The following PARN variants were observed in gnomAD, a reference collection of about 807,000 sequenced individuals.
PARN encodes poly(A)-specific ribonuclease.
In PARN, 71 loss-of-function variants were observed where a neutral mutation model predicts 102.8. The ratio of observed to expected loss-of-function variants is 0.69; its 90% CI spans 0.57 to 0.84. The LOEUF is 0.84. Ranked by LOEUF, PARN falls within the 40% of genes least tolerant of loss-of-function variation. The pLI, the probability that PARN is intolerant of heterozygous loss-of-function variation, is 0.00. For missense variants in PARN, 782 were observed against 760.9 expected (o/e 1.03, Z -0.33); for synonymous variants, 261 against 252.9 (o/e 1.03, Z -0.30).
intron 17 of PARN, among the ~76,000 whole-genome samples, 185 bp from the exon 18 acceptor site, chr16:14,581,128 C>A (rs1455740047): frequency 5.3e-5 from 8 of 152,126 alleles, no homozygotes; most frequent in Non-Finnish European, 1.2e-4. Context: ...TCTCGGTTCA[C>A]TGAAACTTCC....
chr16:14,617,725 T>C, intron 5 of PARN, 75 bp from the exon 6 acceptor site: 1 of 881,096 alleles, frequency 1.1e-6, no homozygotes. Flanking sequence ...GAGAAGTAAC[T>C]CAAACAAGAA....
intron 15 of PARN, 50 bp downstream of exon 15, chr16:14,584,699 T>C: frequency 7.6e-7 from 1 of 1,307,666 alleles, no homozygotes; most frequent in Non-Finnish European, 1.1e-6. Context: ...CTGGCATTCA[T>C]TTCACTCAGT....
At chr16:14,547,232 G>C (rs1168155350) in intron 21 of PARN, among the ~76,000 whole-genome samples, 2 of 152,104 alleles carry the variant, frequency 1.3e-5, no homozygotes, top group African/African-American at 2.4e-5. Flanking sequence ...GCCAGAGGGG[G>C]AATAATGCTA....
intron 21 of PARN, among the ~76,000 whole-genome samples, chr16:14,541,821 G>A (rs908570709): frequency 2.0e-5 from 3 of 152,002 alleles, no homozygotes; most frequent in Admixed American, 2.0e-4. Context: ...ATTCTTCTAA[G>A]GAATGTAACT....
intron 21 of PARN, among the ~76,000 whole-genome samples, chr16:14,483,269 C>T (rs1963479306): frequency 6.6e-6 from 1 of 152,116 alleles, no homozygotes; most frequent in Non-Finnish European, 1.5e-5. Flanking sequence ...CCAGTGGTGG[C>T]GATTACTGTG....
chr16:14,629,283 T>C (rs1013080096), intron 2 of PARN, among the ~76,000 whole-genome samples: 27 of 152,222 alleles, frequency 1.8e-4, no homozygotes, highest in Non-Finnish European at 3.5e-4. Context: ...TATACCTATT[T>C]TACAATCAAG....
At chr16:14,525,840 TTTTC>T (rs1965967626) in intron 21 of PARN, among the ~76,000 whole-genome samples, 1 of 152,190 alleles carries the variant, frequency 6.6e-6, no homozygotes, top group South Asian at 2.1e-4. Flanking sequence ...TTTCTTTTTC[TTTTC>T]TTTGAGATGG....
At chr16:14,436,905 C>T (rs752331585) in intron 23 of PARN, 133 bp from the exon 24 acceptor site, 41 of 671,072 alleles carry the variant, frequency 6.1e-5, no homozygotes, top group South Asian at 3.5e-4. Context: ...TAAACAGCTG[C>T]GCTGGAAAGA....
In PARN at chr16:14,620,457, T is replaced by C. The variant is rs1038056749; in HGVS notation, c.328-2807A>G. Among the ~76,000 whole-genome samples the C allele has an allele frequency of 5.9e-5, 9 of 152,350 alleles. 1 individual carries two copies. The East Asian group carries it at 7.7e-4, about 13-fold the overall frequency. ...AAGCACGGCAAAATTATGGAGTTCA[T>C]ACTCAAATGAACTTAAGAAATAAGC... On this transcript the variant is annotated intron_variant, in intron 5 of 23. Transcript: ENST00000437198.
intron 21 of PARN, among the ~76,000 whole-genome samples, chr16:14,539,185 A>T (rs772713625): frequency 6.6e-6 from 1 of 152,184 alleles, no homozygotes; most frequent in Non-Finnish European, 1.5e-5. Context: ...CTTTCACAAA[A>T]CCAGTCCCTG....
At chr16:14,528,586 T>C (rs1455322532) in intron 21 of PARN, among the ~76,000 whole-genome samples, 3 of 152,330 alleles carry the variant, frequency 2.0e-5, no homozygotes, top group Middle Eastern at 3.4e-3. Flanking sequence ...GACTCTGTGA[T>C]ATTTTATTGT....
chr16:14,462,222 T>C (rs1596454334), intron 22 of PARN, among the ~76,000 whole-genome samples: 1 of 152,066 alleles, frequency 6.6e-6, no homozygotes, highest in South Asian at 2.1e-4. Flanking sequence ...CAAAGGAATA[T>C]TGTGAAGACA....
Position 14,435,939 on chromosome 16 carries a change from C to CACACACAG in PARN, c.*777_*778insCTGTGTGT. Reference sequence around the variant, plus strand: ...ACACACACACACACACACACACACACACACAGACACGTACGCACACACGCT... The same window carrying CACACACAG: ...ACACACACACACACACACACACACACACACACAGACACAGACACGTACGCACACACGCT... On this transcript the variant is annotated 3_prime_UTR_variant, in exon 24 of 24. Transcript: ENST00000437198. 1 of 146,210 alleles carries CACACACAG rather than the reference C, an allele frequency of 6.8e-6. No individual in the cohort carries two copies. Among genetic ancestry groups the CACACACAG allele is most frequent in the South Asian group, 2.2e-4 (1 of 4,620 alleles). 9.1% of individuals were successfully genotyped at this position (146,210 alleles called of 1,614,324 possible).
chr16:14,511,262 T>G (rs1416477318), intron 21 of PARN, among the ~76,000 whole-genome samples: 1 of 151,010 alleles, frequency 6.6e-6, no homozygotes, highest in Non-Finnish European at 1.5e-5. Flanking sequence ...TCATTATCTT[T>G]TAAAGGTCAA....
intron 22 of PARN, among the ~76,000 whole-genome samples, 187 bp from the exon 23 acceptor site, chr16:14,447,268 C>G (rs950843055): frequency 2.6e-5 from 4 of 152,190 alleles, no homozygotes; most frequent in African/African-American, 9.7e-5. Flanking sequence ...TTACCTATAA[C>G]AAGCTTATTC....
intron 5 of PARN, among the ~76,000 whole-genome samples, chr16:14,624,088 C>T (rs1017212158): frequency 6.6e-6 from 1 of 152,154 alleles, no homozygotes; most frequent in African/African-American, 2.4e-5. Context: ...CATTCCTCCA[C>T]ATCTTGACAA....
At chr16:14,450,516 G>GTA (rs1214654993) in intron 22 of PARN, among the ~76,000 whole-genome samples, 1 of 151,838 alleles carries the variant, frequency 6.6e-6, no homozygotes. Context: ...TCATATTTAT[G>GTA]TATACACACA....
intron 18 of PARN, among the ~76,000 whole-genome samples, chr16:14,578,860 T>C (rs773162991): frequency 2.1e-4 from 32 of 152,254 alleles, no homozygotes; most frequent in Non-Finnish European, 4.1e-4. Context: ...AAAAAAATTC[T>C]GAATGGACAG....
At chr16:14,536,473 C>T (rs770206296) in intron 21 of PARN, among the ~76,000 whole-genome samples, 15 of 152,140 alleles carry the variant, frequency 9.9e-5, no homozygotes, top group Non-Finnish European at 2.9e-5. Flanking sequence ...TTCCTATTAT[C>T]ACCAGAGTCC....
Sources: allele counts gnomAD v4.1 joint callset (sites outside exome capture counted in the v4.1 genomes callset), GRCh38; gene constraint gnomAD v4.1.1; transcripts MANE v1.5; gene names NCBI Gene and HGNC (gene_info 2026-07-23, HGNC 2026-07-21).